Variants in ZPR1 observed in about 807,000 individuals in gnomAD.
The protein encoded by ZPR1 is zinc finger protein ZPR1.
In ZPR1, 37 loss-of-function variants were observed where a neutral mutation model predicts 59.6. The ratio of observed to expected loss-of-function variants is 0.62; its 90% confidence interval spans 0.48 to 0.82. The LOEUF (loss-of-function observed/expected upper bound fraction) is 0.82, where lower values mean the gene tolerates loss of function less well. ZPR1 is among the 40% of genes least tolerant of loss of function. The pLI is 0.00. For missense variants in ZPR1, 527 were observed against 579.9 expected (o/e 0.91, Z 0.94); for synonymous variants, 191 against 215.2 (o/e 0.89, Z 0.99).
At position 116,778,837 on chromosome 11, in the gene ZPR1, GAC is replaced by G; in HGVS notation, c.*86_*87del. The G allele has an allele frequency of 6.6e-7, 1 of 1,510,114 alleles. No individual in the cohort carries two copies. Among genetic ancestry groups the G allele is most frequent in the East Asian group, 2.3e-5 (1 of 43,820 alleles). The allele number at this position is 1,510,114 out of a possible 1,614,324, so 93.5% of individuals were successfully genotyped here. Reference sequence around the variant, plus strand: ...ACCATGGGCAAGGGCTGGTGGGAAAGACACTCCCAGCCTTCGCCTTCATCCAA... The same window carrying G: ...ACCATGGGCAAGGGCTGGTGGGAAAGACTCCCAGCCTTCGCCTTCATCCAA... On this transcript the variant is annotated 3_prime_UTR_variant, in exon 14 of 14. Transcript: ENST00000227322.
intron 2 of ZPR1, 83 bp downstream of exon 2, chr11:116,787,399 T>C (rs865965924): frequency 6.9e-7 from 1 of 1,446,902 alleles, no homozygotes; most frequent in Non-Finnish European, 9.4e-7. Context: ...TTATTTAAGA[T>C]CCGACCGCCT....
At chr11:116,782,100 G>A in intron 12 of ZPR1, 58 bp downstream of exon 12, 1 of 1,320,640 alleles carries the variant, frequency 7.6e-7, no homozygotes, top group Non-Finnish European at 1.1e-6. Flanking sequence ...TGAGCATGCA[G>A]CCTCCTGTTC....
rs1940732485 is a variant in ZPR1, at chr11:116,777,013, CACTT to C, written c.*1908_*1911del. ...TCTCCAAACACCTTACTCTCGCCCT[CACTT>C]ACAGAAATTAGAGATACAGGTATGG... On this transcript the variant is annotated 3_prime_UTR_variant, in exon 14 of 14. Coordinates refer to ENST00000227322, the MANE Select transcript of ZPR1 (RefSeq NM_003904.5). 6.6e-6 allele frequency: 1 copy of C among 152,222 alleles called. No individual in the cohort carries two copies. Among genetic ancestry groups the C allele is most frequent in the African/African-American group, 2.4e-5 (1 of 41,456 alleles). 9.4% of individuals were successfully genotyped at this position (152,222 alleles called of 1,614,324 possible). A position where few individuals can be genotyped will look rare whatever the true frequency, so the allele number is the denominator to read the frequency against.
chr11:116,783,533 G>C lies in ZPR1; in HGVS notation c.978C>G (p.Leu326=). ...TDASDMTRDL[L]KSETCSVEIP... is the part of the protein sequence containing the mutation. ...ACTTTCCCAAGCAGACTGTTACCTT[G>C]AGGAGGTCTCTGGTCATATCTGAGG... Residue 326 remains leucine (L), a synonymous_variant, in exon 10 of 14, where the codon CTC becomes CTG. Coordinates refer to ENST00000227322, the MANE Select transcript of ZPR1 (RefSeq NM_003904.5). 1 of 1,613,468 alleles carries C rather than the reference G, an allele frequency of 6.2e-7. No homozygotes were observed. Among genetic ancestry groups the C allele is most frequent in the Non-Finnish European group, 8.5e-7 (1 of 1,179,396 alleles).
chr11:116,786,600 A>G lies in ZPR1; in HGVS notation c.425-19T>C, dbSNP rs1239758269. ...GTCAGAGCTTGTGAACAAGAACAAA[A>G]GACAAGTGTGACTTAGCCTCAGCTC... On this transcript the variant is annotated intron_variant, in intron 3 of 13. Transcript: ENST00000227322. 6.2e-7 allele frequency: 1 copy of G among 1,610,838 alleles called. No individual in the cohort carries two copies. The highest frequency in any genetic ancestry group is 1.3e-5 in the African/African-American group (1 of 74,874).
rs374139882 is a variant in ZPR1, at chr11:116,785,612, T to C, written c.607A>G (p.Ser203Gly). Reference sequence around the variant, plus strand: ...GGAGCATGTGGGTTTTCCACAAAACTGTTCCCTGAGGGATCATCAATGATC... The same window carrying C: ...GGAGCATGTGGGTTTTCCACAAAACCGTTCCCTGAGGGATCATCAATGATC... ...TLIIDDPSGN[S>G]FVENPHAPQK... The change falls in exon 6 of 14, where the codon AGT (serine) becomes GGT (glycine). Residue 203 changes from serine to glycine, a missense_variant. By Grantham distance (56) the Ser-to-Gly change is moderately conservative. Coordinates refer to ENST00000227322, the MANE Select transcript of ZPR1 (RefSeq NM_003904.5). The C allele has an allele frequency of 2.3e-5, 37 of 1,614,070 alleles. No homozygotes were observed. The highest frequency in any genetic ancestry group is 2.9e-5 in the Non-Finnish European group (34 of 1,180,050).
Position 116,775,201 on chromosome 11 carries a change from C to T in ZPR1, c.*3724G>A, listed in dbSNP as rs1052966831. 1 of 152,454 alleles carries T rather than the reference C, an allele frequency of 6.6e-6. No individual in the cohort carries two copies. Among genetic ancestry groups the T allele is most frequent in the Non-Finnish European group, 1.5e-5 (1 of 68,266 alleles). 9.4% of individuals were successfully genotyped at this position (152,454 alleles called of 1,614,324 possible). A position where few individuals can be genotyped will look rare whatever the true frequency, so the allele number is the denominator to read the frequency against. ...TCTGGCCAGGCACGGTGGCTCACGCCTGTAATCCCTGCACTTTGGGAGGCC... is the reference window on the plus strand; with the variant it reads ...TCTGGCCAGGCACGGTGGCTCACGCTTGTAATCCCTGCACTTTGGGAGGCC... On this transcript the variant is annotated 3_prime_UTR_variant, in exon 14 of 14. Coordinates refer to ENST00000227322, the MANE Select transcript of ZPR1 (RefSeq NM_003904.5).
At chr11:116,782,065 T>TA (rs1432479574) in intron 12 of ZPR1, 93 bp downstream of exon 12, 1 of 874,620 alleles carries the variant, frequency 1.1e-6, no homozygotes, top group East Asian at 2.5e-5. Context: ...ACATGATGGT[T>TA]AGATGTTCAA....
intron 12 of ZPR1, 144 bp downstream of exon 12, chr11:116,782,014 A>G: frequency 5.6e-6 from 2 of 354,050 alleles, no homozygotes; most frequent in Non-Finnish European, 4.8e-6. Flanking sequence ...TCTGTCTCCA[A>G]AAAAAAAAAA....
chr11:116,779,800 T>A lies in ZPR1; in HGVS notation c.1217A>T (p.Asp406Val). 1 of 1,605,084 alleles carries A rather than the reference T, an allele frequency of 6.2e-7. No homozygotes were observed. The highest frequency in any genetic ancestry group is 8.5e-7 in the Non-Finnish European group (1 of 1,175,598). The stretch of plus-strand genomic sequence containing the variant: ...CAAGTAACTGTTTCCTGCTGGATCA[T>A]CCATAATAAAGTGGGCCTTCATGTT... ...EGNMKAHFIMDDPAGNSYLQN... is the reference protein window; with the variant it reads ...EGNMKAHFIMVDPAGNSYLQN... Residue 406 changes from aspartate (D) to valine (V), a missense_variant, in exon 13 of 14, where the codon GAT (aspartate) becomes GTT (valine). Physicochemically the swap from Asp to Val is radical, Grantham distance 152. Transcript: ENST00000227322.
At position 116,778,636 on chromosome 11, in the gene ZPR1, G is replaced by C. The variant is rs1218905636; in HGVS notation, c.*289C>G. 1 of 357,336 alleles carries C rather than the reference G, an allele frequency of 2.8e-6. No individual in the cohort carries two copies. Among genetic ancestry groups the C allele is most frequent in the Non-Finnish European group, 5.1e-6 (1 of 195,286 alleles). 22.1% of individuals were successfully genotyped at this position (357,336 alleles called of 1,614,324 possible). ...AGGATAGAGCATTATGTGGAAGGAG[G>C]GTGAGGACTTGATATGAAAAAAGTG... On this transcript the variant is annotated 3_prime_UTR_variant, in exon 14 of 14. Coordinates refer to ENST00000227322, the MANE Select transcript of ZPR1 (RefSeq NM_003904.5).
At chr11:116,786,847 C>T in intron 3 of ZPR1, 122 bp downstream of exon 3, 1 of 829,992 alleles carries the variant, frequency 1.2e-6, no homozygotes, top group Non-Finnish European at 2.0e-6. Context: ...ATGAAGATCA[C>T]AATGATTACA....
In ZPR1 at chr11:116,787,836, A is replaced by G; in HGVS notation, c.155T>C (p.Met52Thr). ...QQPTEIESLC[M>T]NCYCNGMTRL... ...CCGCCTCACATTGCAGTAACAGTTC[A>G]TGCATAGCGACTCGATCTCGGTGGG... The change falls in exon 1 of 14, where the codon ATG becomes ACG. Residue 52 changes from methionine (M) to threonine (T), a missense_variant. Physicochemically the swap from Met to Thr is moderately conservative, Grantham distance 81. Transcript: ENST00000227322. 1 of 1,556,412 alleles carries G rather than the reference A, an allele frequency of 6.4e-7. No homozygotes were observed. Among genetic ancestry groups the G allele is most frequent in the Non-Finnish European group, 8.7e-7 (1 of 1,152,072 alleles).
rs747552674 is a variant in ZPR1, at chr11:116,782,198, T to C, written c.1139A>G (p.Gln380Arg). ...FTLGDSSNPG[Q>R]TERLQEFSQK... ...GCTAAACTCCTGTAGTCTCTCCGTCTGTCCAGGATTGGAACTGTCGCCCAG... is the reference window on the plus strand; with the variant it reads ...GCTAAACTCCTGTAGTCTCTCCGTCCGTCCAGGATTGGAACTGTCGCCCAG... The change falls in exon 12 of 14, where the codon CAG (glutamine) becomes CGG (arginine). Residue 380 changes from glutamine to arginine, a missense_variant. By Grantham distance (43) the Gln-to-Arg change is conservative. Transcript: ENST00000227322. 11 of 1,614,094 alleles carry C rather than the reference T, an allele frequency of 6.8e-6. No individual in the cohort carries two copies. In the Admixed American group the frequency reaches 1.2e-4, roughly 17 times the overall value.
Position 116,778,832 on chromosome 11 carries a change from G to C in ZPR1, c.*93C>G, listed in dbSNP as rs1218878437. 6 of 1,499,850 alleles carry C rather than the reference G, an allele frequency of 4.0e-6. No individual in the cohort carries two copies. The highest frequency in any genetic ancestry group is 5.4e-6 in the Non-Finnish European group (6 of 1,120,456). 92.9% of individuals were successfully genotyped at this position (1,499,850 alleles called of 1,614,324 possible). A position where few individuals can be genotyped will look rare whatever the true frequency, so the allele number is the denominator to read the frequency against. The stretch of plus-strand genomic sequence containing the variant: ...TCCCCACCATGGGCAAGGGCTGGTG[G>C]GAAAGACACTCCCAGCCTTCGCCTT... On this transcript the variant is annotated 3_prime_UTR_variant, in exon 14 of 14. Coordinates refer to ENST00000227322, the MANE Select transcript of ZPR1 (RefSeq NM_003904.5).
At chr11:116,781,264 C>A (rs1940801543) in intron 12 of ZPR1, among the ~76,000 whole-genome samples, 1 of 151,978 alleles carries the variant, frequency 6.6e-6, no homozygotes, top group Non-Finnish European at 1.5e-5. Context: ...TTCATGAAAG[C>A]TTCCTAGAAC....
At position 116,787,550 on chromosome 11, in the gene ZPR1, C is replaced by A; in HGVS notation, c.265G>T (p.Glu89Ter). ...TGGATCCTGCCTGCCGACTGGATCT[C>A]CGTGTTGTTCCAGCCACAGTGCTCG... The part of the protein sequence containing the change: ...SCEHCGWNNT[E>*]IQSAGRIQDQ... The change falls in exon 2 of 14, where the codon GAG (glutamate) becomes TAG (stop). Residue 89 changes from glutamate (E) to a stop codon, truncating the protein, a stop_gained. Coordinates refer to ENST00000227322, the MANE Select transcript of ZPR1 (RefSeq NM_003904.5). LOFTEE classifies it high-confidence loss of function. 6.2e-7 allele frequency: 1 copy of A among 1,614,194 alleles called. No individual in the cohort carries two copies. The highest frequency in any genetic ancestry group is 8.5e-7 in the Non-Finnish European group (1 of 1,180,024).
Position 116,787,504 on chromosome 11 carries a change from G to C in ZPR1, c.311C>G (p.Thr104Ser). ...CACCTCCAGAGCCCTGACAGACAAA[G>C]TGTAGCGCACTCCCTGGTCCTGGAT... ...GRIQDQGVRYTLSVRALEDMN... is the reference protein window; with the variant it reads ...GRIQDQGVRYSLSVRALEDMN... Residue 104 changes from threonine (T) to serine (S), a missense_variant, in exon 2 of 14, where the codon ACT (threonine) becomes AGT (serine). Physicochemically the swap from Thr to Ser is moderately conservative, Grantham distance 58. Coordinates refer to ENST00000227322, the MANE Select transcript of ZPR1 (RefSeq NM_003904.5). 1 of 1,614,078 alleles carries C rather than the reference G, an allele frequency of 6.2e-7. No homozygotes were observed. Among genetic ancestry groups the C allele is most frequent in the Non-Finnish European group, 8.5e-7 (1 of 1,179,962 alleles).
chr11:116,782,832 G>A (rs1307354231), intron 11 of ZPR1, 87 bp downstream of exon 11: 10 of 1,083,050 alleles, frequency 9.2e-6, no homozygotes, highest in African/African-American at 1.6e-5. Context: ...TACCAGCACC[G>A]AAAATTAGGA....
Sources: gnomAD v4.1 joint callset for allele counts (sites outside exome capture counted in the v4.1 genomes callset) on GRCh38, gnomAD v4.1.1 for gene constraint, MANE v1.5 for transcripts, NCBI Gene and HGNC (gene_info 2026-07-23, HGNC 2026-07-21) for gene names.